SDHB: variants seen among roughly 807,000 people sequenced by gnomAD.
The protein encoded by SDHB is succinate dehydrogenase [ubiquinone] iron-sulfur subunit, mitochondrial.
Under a neutral mutation model 39.7 loss-of-function variants are expected in SDHB, and 21 were observed. That is an observed-to-expected ratio of 0.53 (90% CI 0.37 to 0.76). SDHB has a LOEUF of 0.76. Ranked by LOEUF, SDHB falls within the 30% of genes least tolerant of loss-of-function variation. The probability of loss-of-function intolerance (pLI) is 0.00; values close to 1 mark genes in which losing one functional copy is unlikely to be tolerated. For synonymous variants in SDHB, 118 were observed against 117.0 expected, an observed-to-expected ratio of 1.01 and a Z score of -0.06; for missense variants, 343 against 350.9, an observed-to-expected ratio of 0.98 and a Z score of 0.18.
chr1:17,029,093 G>GTTTTTTT lies in SDHB; in HGVS notation c.287-364_287-358dup, dbSNP rs746243819. Reference sequence around the variant, plus strand: ...ACGTGTTTTGAAGAAAAATCAGCCTGTTTTTTTTTTTTTTTTTTTTTTTTT... The same window carrying GTTTTTTT: ...ACGTGTTTTGAAGAAAAATCAGCCTGTTTTTTTTTTTTTTTTTTTTTTTTTTTTTTTT... On this transcript the variant is annotated intron_variant, in intron 3 of 7. Coordinates refer to ENST00000375499, the MANE Select transcript of SDHB (RefSeq NM_003000.3). 2.7e-3 allele frequency among the ~76,000 whole-genome samples: 193 copies of GTTTTTTT among 72,024 alleles called. 12 individuals carry two copies. Among genetic ancestry groups the GTTTTTTT allele is most frequent in the South Asian group, 7.5e-3 (9 of 1,194 alleles). The allele number at this position is 72,024 out of a possible 152,430, so 47.3% of individuals were successfully genotyped here. A position where few individuals can be genotyped will look rare whatever the true frequency, so the allele number is the denominator to read the frequency against.
intron 1 of SDHB, among the ~76,000 whole-genome samples, chr1:17,050,415 G>A (rs1161441828): frequency 4.6e-5 from 7 of 152,008 alleles, no homozygotes; most frequent in Admixed American, 1.3e-4. Flanking sequence ...TTGGGAGGCC[G>A]AGGCAGGTGG....
intron 2 of SDHB, among the ~76,000 whole-genome samples, chr1:17,042,649 G>GT (rs1472982569): frequency 6.6e-6 from 1 of 152,012 alleles, no homozygotes; most frequent in East Asian, 1.9e-4. Context: ...GTGGTGGCAT[G>GT]TGCCTATAGT....
intron 2 of SDHB, among the ~76,000 whole-genome samples, chr1:17,044,302 C>T (rs11203286): frequency 0.42 from 63,932 of 151,350 alleles, 15,104 homozygotes; most frequent in Non-Finnish European, 0.54. Flanking sequence ...TGGTATTATT[C>T]TTCTGAATCA....
At chr1:17,019,590 G>A (rs762839583) in intron 7 of SDHB, among the ~76,000 whole-genome samples, 3 of 151,954 alleles carry the variant, frequency 2.0e-5, no homozygotes, top group African/African-American at 4.8e-5. Flanking sequence ...CTTTTACCAA[G>A]CAAGTACTTG....
At chr1:17,041,937 T>C (rs1234749708) in intron 2 of SDHB, among the ~76,000 whole-genome samples, 2 of 152,050 alleles carry the variant, frequency 1.3e-5, no homozygotes, top group African/African-American at 4.8e-5. Context: ...TTCTTTTTTT[T>C]TTGAGACAGA....
chr1:17,043,457 G>A (rs11203284), intron 2 of SDHB, among the ~76,000 whole-genome samples: 64,010 of 151,982 alleles, frequency 0.42, 15,131 homozygotes, highest in Non-Finnish European at 0.54. Context: ...GAAAGTCAAA[G>A]TAAGCATTTA....
rs138979875 is a variant in SDHB at position 17,053,970 on chromosome 1, G to T, written c.50C>A (p.Thr17Asn). The T allele has an allele frequency of 8.1e-6, 13 of 1,613,196 alleles. No homozygotes were observed. The highest frequency in any genetic ancestry group is 1.1e-5 in the Non-Finnish European group (13 of 1,179,654). Reference protein sequence around the residue: ...LSLRRRLPATTLGGACLQASR... With the variant: ...LSLRRRLPATNLGGACLQASR... Reference sequence around the variant, plus strand: ...CACCTGCAGGCAGGCTCCGCCAAGGGTTGTGGCCGGCAACCGGCGCCTCAA... The same window carrying T: ...CACCTGCAGGCAGGCTCCGCCAAGGTTTGTGGCCGGCAACCGGCGCCTCAA... Residue 17 changes from threonine (T) to asparagine (N), a missense_variant, in exon 1 of 8, where the codon ACC becomes AAC. Coordinates refer to ENST00000375499, the MANE Select transcript of SDHB (RefSeq NM_003000.3).
intron 1 of SDHB, among the ~76,000 whole-genome samples, chr1:17,049,745 A>C (rs1176919794): frequency 1.5e-5 from 2 of 136,892 alleles, no homozygotes; most frequent in Non-Finnish European, 3.0e-5. Context: ...TCCTGGGTTC[A>C]AGCAATTCTC....
At chr1:17,041,936 T>C (rs1209812964) in intron 2 of SDHB, among the ~76,000 whole-genome samples, 1 of 152,082 alleles carries the variant, frequency 6.6e-6, no homozygotes, top group African/African-American at 2.4e-5. Flanking sequence ...TTTCTTTTTT[T>C]TTTGAGACAG....
intron 3 of SDHB, 93 bp downstream of exon 3, chr1:17,032,967 G>T: frequency 3.3e-6 from 3 of 914,090 alleles, no homozygotes; most frequent in Non-Finnish European, 5.5e-6. Flanking sequence ...GAGAGCTGCA[G>T]CTGTTTTCCA....
intron 3 of SDHB, chr1:17,032,632 A>G (rs2078029751): frequency 7.0e-6 from 2 of 285,464 alleles, no homozygotes; most frequent in Non-Finnish European, 1.4e-5. Flanking sequence ...CAGCCAATCC[A>G]GAACACAGCT....
At chr1:17,049,280 T>C (rs1224349081) in intron 1 of SDHB, among the ~76,000 whole-genome samples, 1 of 151,572 alleles carries the variant, frequency 6.6e-6, no homozygotes, top group East Asian at 2.0e-4. Context: ...TGTGAGCCAT[T>C]GTGTCTGGCC....
chr1:17,034,193 A>G (rs113164259), intron 2 of SDHB, among the ~76,000 whole-genome samples: 347 of 151,952 alleles, frequency 2.3e-3, no homozygotes, highest in African/African-American at 8.1e-3. Context: ...TCTGTTACCC[A>G]GGCTGGAGTG....
chr1:17,048,356 A>G (rs1226227363), intron 1 of SDHB, among the ~76,000 whole-genome samples: 1 of 152,226 alleles, frequency 6.6e-6, no homozygotes, highest in African/African-American at 2.4e-5. Flanking sequence ...ACTCCAAGGT[A>G]TCATGTACCA....
intron 2 of SDHB, among the ~76,000 whole-genome samples, 187 bp from the exon 3 acceptor site, chr1:17,033,332 T>C (rs958493301): frequency 6.6e-5 from 10 of 152,206 alleles, no homozygotes; most frequent in African/African-American, 2.2e-4. Flanking sequence ...AGTTCTATTT[T>C]GATGATCACA....
chr1:17,040,143 G>A (rs1290300943), intron 2 of SDHB, among the ~76,000 whole-genome samples: 1 of 152,108 alleles, frequency 6.6e-6, no homozygotes, highest in Non-Finnish European at 1.5e-5. Flanking sequence ...GTATTTCACT[G>A]TCTCTTGGCC....
At chr1:17,032,348 C>T (rs1334828370) in intron 3 of SDHB, among the ~76,000 whole-genome samples, 2 of 149,846 alleles carry the variant, frequency 1.3e-5, no homozygotes, top group South Asian at 2.1e-4. Flanking sequence ...CTATCACGCC[C>T]GGCTAATTTT....
chr1:17,036,815 C>A (rs1196240978), intron 2 of SDHB, among the ~76,000 whole-genome samples: 2 of 148,642 alleles, frequency 1.3e-5, no homozygotes, highest in East Asian at 3.9e-4. Context: ...TATACACACA[C>A]ACACACACAT....
At position 17,030,588 on chromosome 1, in the gene SDHB, T is replaced by C. The variant is rs574105133; in HGVS notation, c.287-1852A>G. Among the ~76,000 whole-genome samples, 5 of 152,328 alleles carry C rather than the reference T, an allele frequency of 3.3e-5. No individual in the cohort carries two copies. In the East Asian group the frequency reaches 9.6e-4, roughly 29 times the overall value. On this transcript the variant is annotated intron_variant, in intron 3 of 7. Coordinates refer to ENST00000375499, the MANE Select transcript of SDHB (RefSeq NM_003000.3). ...GTGTTTTGGAATTTAAAAATGATTA[T>C]GTACTCTAAACCTCTAGTGCCAGTC...
Sources: allele counts gnomAD v4.1 joint callset (sites outside exome capture counted in the v4.1 genomes callset), GRCh38; gene constraint gnomAD v4.1.1; transcripts MANE v1.5; gene names NCBI Gene and HGNC (gene_info 2026-07-23, HGNC 2026-07-21).